Variants in ITGAL observed in about 807,000 individuals in gnomAD.
ITGAL encodes the protein integrin subunit alpha L, also known as integrin alpha-L.
Under a neutral mutation model 138.4 loss-of-function variants are expected in ITGAL, and 68 were observed. The observed-to-expected ratio is 0.49, with a 90% CI of 0.40 to 0.60. ITGAL has a LOEUF of 0.60. Ranked by LOEUF, ITGAL falls within the 20% of genes least tolerant of loss-of-function variation. The probability of loss-of-function intolerance (pLI) is 0.00; values close to 1 mark genes in which losing one functional copy is unlikely to be tolerated. For missense variants in ITGAL, 1,256 were observed against 1,478.6 expected (o/e 0.85, Z 2.47); for synonymous variants, 561 against 584.3 (o/e 0.96, Z 0.57).
chr16:30,508,048 A>G (rs1459784150), intron 21 of ITGAL, among the ~76,000 whole-genome samples: 1 of 142,798 alleles, frequency 7.0e-6, no homozygotes. Flanking sequence ...AGCCGGGACT[A>G]CAGGCGCCCA....
intron 9 of ITGAL, among the ~76,000 whole-genome samples, chr16:30,485,521 C>T (rs1186369622): frequency 3.3e-5 from 5 of 151,838 alleles, no homozygotes; most frequent in African/African-American, 9.7e-5. Flanking sequence ...TGCGCCCAGC[C>T]TCTTTTCTTT....
rs1383832095 is a variant in ITGAL at position 30,519,874 on chromosome 16, C to T, written c.3246C>T (p.Asp1082=). The T allele has an allele frequency of 4.3e-6, 7 of 1,613,342 alleles. No homozygotes were observed. In the East Asian group the frequency reaches 6.7e-5, roughly 15 times the overall value. The stretch of plus-strand genomic sequence containing the variant: ...GCTCCCAGGTTGTCATGAAGGTTGA[C>T]GTGGTGTATGAGAAGCAGATGCTCT... ...ASLAQVVMKV[D]VVYEKQMLYL... is the part of the protein sequence containing the mutation. Residue 1082 remains aspartate (D), a synonymous_variant, in exon 30 of 31, where the codon GAC becomes GAT. Transcript: ENST00000356798.
chr16:30,519,493 CTG>C lies in ITGAL; in HGVS notation c.3229-361_3229-360del, dbSNP rs543650196. Among the ~76,000 whole-genome samples, 13 of 152,238 alleles carry C rather than the reference CTG, an allele frequency of 8.5e-5. No individual in the cohort carries two copies. In the East Asian group the frequency reaches 2.3e-3, roughly 27 times the overall value. On this transcript the variant is annotated intron_variant, in intron 29 of 30. Coordinates refer to ENST00000356798, the MANE Select transcript of ITGAL (RefSeq NM_002209.3). ...GAGGCAGTGGCAAGGCCAGGGGCCT[CTG>C]TGGTGAGTGTTGGCAGGGCAGGTTT...
At chr16:30,506,950 T>C in intron 21 of ITGAL, 94 bp downstream of exon 21, 2 of 1,408,158 alleles carry the variant, frequency 1.4e-6, no homozygotes, top group South Asian at 1.2e-5. Context: ...CCTGAACACA[T>C]GGGCAGCTGC....
At chr16:30,500,674 C>T (rs939574342) in intron 17 of ITGAL, among the ~76,000 whole-genome samples, 4 of 152,038 alleles carry the variant, frequency 2.6e-5, no homozygotes, top group Non-Finnish European at 4.4e-5. Context: ...CTCAGCCTCC[C>T]GAGTAGCTAG....
rs1172793582 is a variant in ITGAL, at chr16:30,475,409, C to T, written c.259+9C>T. On this transcript the variant is annotated intron_variant, in intron 3 of 30. Transcript: ENST00000356798. ...GCCAGTCACCCTGAGAGGTGAGTAA[C>T]TGGGGGGTGAGCTGGGAGGAATGGG... The T allele has an allele frequency of 6.2e-7, 1 of 1,610,540 alleles. No individual in the cohort carries two copies. The highest frequency in any genetic ancestry group is 1.1e-5 in the South Asian group (1 of 90,960).
At chr16:30,500,632 C>T (rs2050881321) in intron 17 of ITGAL, among the ~76,000 whole-genome samples, 1 of 152,026 alleles carries the variant, frequency 6.6e-6, no homozygotes, top group South Asian at 2.1e-4. Context: ...TCACTGTAGC[C>T]TCCAACTTCT....
chr16:30,511,242 C>T (rs2051087337), intron 24 of ITGAL, 106 bp downstream of exon 24: 6 of 843,744 alleles, frequency 7.1e-6, no homozygotes, highest in Non-Finnish European at 1.0e-5. Context: ...TCCTTCCTTT[C>T]TTAGAGCCCC....
Position 30,474,312 on chromosome 16 carries a change from C to T in ITGAL, c.164+14C>T. ...GGTCGGAAACGGGTGAGCTGTGCCC[C>T]ACAAGTCCTCCTCCTGATGCCCGCC... On this transcript the variant is annotated intron_variant, in intron 2 of 30. Transcript: ENST00000356798. 6.4e-7 allele frequency: 1 copy of T among 1,572,796 alleles called. No homozygotes were observed. Among genetic ancestry groups the T allele is most frequent in the Non-Finnish European group, 8.7e-7 (1 of 1,152,860 alleles).
In ITGAL at chr16:30,475,348, C is replaced by G; in HGVS notation, c.207C>G (p.Ser69Arg). The G allele has an allele frequency of 6.2e-7, 1 of 1,613,930 alleles. No individual in the cohort carries two copies. Among genetic ancestry groups the G allele is most frequent in the Non-Finnish European group, 8.5e-7 (1 of 1,179,906 alleles). Reference sequence around the variant, plus strand: ...CAGGGGAGGGGAACAGCACAGGAAGCCTCTATCAGTGCCAGTCGGGCACAG... The same window carrying G: ...CAGGGGAGGGGAACAGCACAGGAAGGCTCTATCAGTGCCAGTCGGGCACAG... ...GAPGEGNSTG[S>R]LYQCQSGTGH... Residue 69 changes from serine (S) to arginine (R), a missense_variant, in exon 3 of 31, where the codon AGC (serine) becomes AGG (arginine). This residue lies in a region of ITGAL where 212 missense variants were observed against 217.4 expected (regional missense o/e 0.98). Transcript: ENST00000356798.
rs939554553 is a variant in ITGAL at position 30,494,107 on chromosome 16, C to A, written c.1214-105C>A. Reference sequence around the variant, plus strand: ...GAGAAGGTCTTCAGCTGTTTCCATGCATCTCTGCTACTAACCCAATTCCCT... The same window carrying A: ...GAGAAGGTCTTCAGCTGTTTCCATGAATCTCTGCTACTAACCCAATTCCCT... On this transcript the variant is annotated intron_variant, in intron 11 of 30. Coordinates refer to ENST00000356798, the MANE Select transcript of ITGAL (RefSeq NM_002209.3). The surrounding 1 kb of genome is among the most constrained non-coding windows in gnomAD (Gnocchi z 4.2). 2 of 927,876 alleles carry A rather than the reference C, an allele frequency of 2.2e-6. No individual in the cohort carries two copies. Among genetic ancestry groups the A allele is most frequent in the Non-Finnish European group, 3.3e-6 (2 of 611,650 alleles). The allele number at this position is 927,876 out of a possible 1,614,324, so 57.5% of individuals were successfully genotyped here. A position where few individuals can be genotyped will look rare whatever the true frequency, so the allele number is the denominator to read the frequency against.
Position 30,483,948 on chromosome 16 carries a change from T to C in ITGAL, c.844T>C (p.Tyr282His). ...NIDAAKDIIR[Y>H]IIGIGKHFQT... ...CGATGCGGCCAAAGACATCATCCGC[T>C]ACATCATCGGGGTAGGGCCCCTGCT... The change falls in exon 8 of 31, where the codon TAC becomes CAC. Residue 282 changes from tyrosine to histidine, a missense_variant. By Grantham distance (83) the Tyr-to-His change is moderately conservative (BLOSUM62 2). Around this residue, in one of 3 missense-constraint regions of ITGAL, gnomAD observed 177 missense variants for 288.8 expected, o/e 0.61. Coordinates refer to ENST00000356798, the MANE Select transcript of ITGAL (RefSeq NM_002209.3). The C allele has an allele frequency of 6.2e-7, 1 of 1,613,328 alleles. No homozygotes were observed. Among genetic ancestry groups the C allele is most frequent in the Non-Finnish European group, 8.5e-7 (1 of 1,179,408 alleles).
At chr16:30,509,795 T>C (rs2151170403) in intron 21 of ITGAL, among the ~76,000 whole-genome samples, 1 of 152,058 alleles carries the variant, frequency 6.6e-6, no homozygotes, top group South Asian at 2.1e-4. Flanking sequence ...TCCCAGCACA[T>C]TGGTAGGCTG....
chr16:30,494,648 G>T lies in ITGAL; in HGVS notation c.1366-65G>T. On this transcript the variant is annotated intron_variant, in intron 12 of 30. Coordinates refer to ENST00000356798, the MANE Select transcript of ITGAL (RefSeq NM_002209.3). This position sits in a 1 kb window ranked among gnomAD's most constrained non-coding sequence, Gnocchi z 4.2. ...GTGGCACAAGATGAACACGGTACAG[G>T]TATCTCCCTGCCAACCCCTGCTGTT... is the stretch of plus-strand genomic sequence containing the variant. 2 of 1,535,726 alleles carry T rather than the reference G, an allele frequency of 1.3e-6. No homozygotes were observed. The highest frequency in any genetic ancestry group is 1.8e-6 in the Non-Finnish European group (2 of 1,135,508).
chr16:30,506,896 G>C, intron 21 of ITGAL, 40 bp downstream of exon 21: 3 of 1,608,854 alleles, frequency 1.9e-6, no homozygotes, highest in South Asian at 2.2e-5. Context: ...GCATCTGTTC[G>C]GCAGACACTG....
intron 11 of ITGAL, among the ~76,000 whole-genome samples, chr16:30,490,472 G>T (rs2050710145): frequency 6.6e-6 from 1 of 151,968 alleles, no homozygotes; most frequent in African/African-American, 2.4e-5. Context: ...ACCCTTCCTT[G>T]TGGAAACCAC....
chr16:30,475,133 T>C (rs2050452440), intron 2 of ITGAL, among the ~76,000 whole-genome samples, 173 bp from the exon 3 acceptor site: 1 of 152,076 alleles, frequency 6.6e-6, no homozygotes. Flanking sequence ...TACTTTGGCC[T>C]CATGCGAAAG....
At position 30,494,138 on chromosome 16, in the gene ITGAL, C is replaced by A; in HGVS notation, c.1214-74C>A. ...TGCTACTAACCCAATTCCCTGGGGC[C>A]CCTGCCCCTCTCCTGCTGGGTGTTC... On this transcript the variant is annotated intron_variant, in intron 11 of 30. Transcript: ENST00000356798. This position sits in a 1 kb window ranked among gnomAD's most constrained non-coding sequence, Gnocchi z 4.2. The A allele has an allele frequency of 1.4e-6, 2 of 1,407,068 alleles. No homozygotes were observed. The highest frequency in any genetic ancestry group is 9.7e-7 in the Non-Finnish European group (1 of 1,034,130). 87.2% of individuals were successfully genotyped at this position (1,407,068 alleles called of 1,614,324 possible).
intron 24 of ITGAL, among the ~76,000 whole-genome samples, chr16:30,512,810 C>T (rs1225880796): frequency 1.3e-5 from 2 of 152,028 alleles, no homozygotes; most frequent in African/African-American, 2.4e-5. Context: ...AAGCAATTCT[C>T]CTGCCTCAGC....
Sources: allele counts gnomAD v4.1 joint callset (sites outside exome capture counted in the v4.1 genomes callset), GRCh38; gene constraint gnomAD v4.1.1; regional missense constraint gnomAD v4.1.1; non-coding constraint Gnocchi (gnomAD v3.1); transcripts MANE v1.5; gene names NCBI Gene and HGNC (gene_info 2026-07-23, HGNC 2026-07-21).